The following SQSTM1 variants were observed in gnomAD, a reference collection of about 807,000 sequenced individuals.
The protein encoded by SQSTM1 is sequestosome 1.
A neutral mutation model predicts 45.1 loss-of-function variants in SQSTM1; 36 were observed. That is an observed-to-expected ratio of 0.80 (90% CI 0.61 to 1.05). The LOEUF (loss-of-function observed/expected upper bound fraction) is 1.05, where lower values mean the gene tolerates loss of function less well. Ranked by LOEUF, SQSTM1 falls within the 50% of genes least tolerant of loss-of-function variation. The probability of loss-of-function intolerance (pLI) is 0.00; values close to 1 mark genes in which losing one functional copy is unlikely to be tolerated. For missense variants in SQSTM1, 617 were observed against 607.1 expected (o/e 1.02, Z -0.17); for synonymous variants, 290 against 244.3 (o/e 1.19, Z -1.74).
intron 5 of SQSTM1, among the ~76,000 whole-genome samples, chr5:179,825,561 C>T (rs1041916245): frequency 6.6e-6 from 1 of 152,244 alleles, no homozygotes; most frequent in Non-Finnish European, 1.5e-5. Context: ...GCAATTTCCC[C>T]TAAGCCAGGC....
At chr5:179,825,070 GC>G in intron 4 of SQSTM1, 75 bp from the exon 5 acceptor site, 1 of 1,480,594 alleles carries the variant, frequency 6.8e-7, no homozygotes, top group East Asian at 2.3e-5. Flanking sequence ...AGGGACCTTG[GC>G]AAGAAGGTGA....
rs190193171 is a variant in SQSTM1 at position 179,837,260 on chromosome 5, T to A, written c.*667T>A. On this transcript the variant is annotated 3_prime_UTR_variant, in exon 8 of 8. Transcript: ENST00000389805. Reference sequence around the variant, plus strand: ...GGCATCAGCACTTTAACCAATGACGTTTGCATAGAGAGAAATGATTGACAG... The same window carrying A: ...GGCATCAGCACTTTAACCAATGACGATTGCATAGAGAGAAATGATTGACAG... 1.2e-6 allele frequency: 2 copies of A among 1,604,942 alleles called. No individual in the cohort carries two copies. The highest frequency in any genetic ancestry group is 4.5e-5 in the East Asian group (2 of 44,868).
At chr5:179,823,762 CG>C (rs1460669722) in intron 2 of SQSTM1, 95 bp from the exon 3 acceptor site, 13 of 1,362,850 alleles carry the variant, frequency 9.5e-6, no homozygotes, top group Non-Finnish European at 1.2e-5. Flanking sequence ...AGAGCAGGGC[CG>C]GGGGCCTTGC....
intron 5 of SQSTM1, among the ~76,000 whole-genome samples, chr5:179,831,905 TC>T (rs1373166849): frequency 6.6e-6 from 1 of 151,644 alleles, no homozygotes. Context: ...TGCCTCGGCC[TC>T]CCGAGTAACT....
In SQSTM1 at chr5:179,833,200, C is replaced by T. The variant is rs541356917; in HGVS notation, c.923C>T (p.Ala308Val). The change falls in exon 6 of 8, where the codon GCG (alanine) becomes GTG (valine). Residue 308 changes from alanine (A) to valine (V), a missense_variant. By Grantham distance (64) the Ala-to-Val change is moderately conservative (BLOSUM62 0). Transcript: ENST00000389805. ...GTTGAGGGCGCCACGCAGTCTCTGG[C>T]GGAGCAGATGAGGAAGATCGCCTTG... ...GNVEGATQSL[A>V]EQMRKIALES... The T allele has an allele frequency of 2.1e-5, 34 of 1,612,164 alleles. No individual in the cohort carries two copies. The highest frequency in any genetic ancestry group is 1.7e-4 in the Middle Eastern group (1 of 6,056).
In SQSTM1 at chr5:179,821,152, C is replaced by G. The variant is rs752618979; in HGVS notation, c.205+11C>G. On this transcript the variant is annotated intron_variant, in intron 1 of 7. Coordinates refer to ENST00000389805, the MANE Select transcript of SQSTM1 (RefSeq NM_003900.5). ...AGGCGCACTACCGCGGTGAGCGGGC[C>G]GGGGAGCGGCGGGGGCGGTGACGCA... The G allele has an allele frequency of 3.8e-6, 5 of 1,330,556 alleles. No individual in the cohort carries two copies. The highest frequency in any genetic ancestry group is 4.8e-6 in the Non-Finnish European group (5 of 1,045,638). The allele number at this position is 1,330,556 out of a possible 1,614,324, so 82.4% of individuals were successfully genotyped here. A position where few individuals can be genotyped will look rare whatever the true frequency, so the allele number is the denominator to read the frequency against.
At chr5:179,829,515 A>T (rs1415582569) in intron 5 of SQSTM1, among the ~76,000 whole-genome samples, 1 of 152,250 alleles carries the variant, frequency 6.6e-6, no homozygotes, top group Non-Finnish European at 1.5e-5. Flanking sequence ...TCAGTGAGAT[A>T]CAAAAGAGCA....
upstream of SQSTM1, among the ~76,000 whole-genome samples, chr5:179,816,410 TGCTGGGACTACAGGTGTGAGC>T: frequency 6.8e-6 from 1 of 147,818 alleles, no homozygotes; most frequent in East Asian, 2.0e-4. Context: ...GGCCTCCCAG[TGCTGGGACTACAGGTGTGAGC>T]CACCGCGCCT....
intron 1 of SQSTM1, among the ~76,000 whole-genome samples, chr5:179,811,307 C>G (rs1185042111): frequency 6.9e-6 from 1 of 145,762 alleles, no homozygotes; most frequent in Non-Finnish European, 1.5e-5. Context: ...GCCACAGAAG[C>G]TCTGCAGGGG....
chr5:179,816,943 C>G (rs1581997890), upstream of SQSTM1, among the ~76,000 whole-genome samples: 2 of 152,188 alleles, frequency 1.3e-5, no homozygotes. Flanking sequence ...CGACCCGCCT[C>G]TCAGCCCCTC....
intron 4 of SQSTM1, 90 bp downstream of exon 4, chr5:179,824,413 C>T (rs1331911238): frequency 1.1e-5 from 18 of 1,586,104 alleles, no homozygotes; most frequent in Non-Finnish European, 8.6e-7. Flanking sequence ...GTGTGCAAGG[C>T]AAGAATTCAG....
chr5:179,825,004 G>T lies in SQSTM1; in HGVS notation c.674-142G>T, dbSNP rs1008087696. On this transcript the variant is annotated intron_variant, in intron 4 of 7. Coordinates refer to ENST00000389805, the MANE Select transcript of SQSTM1 (RefSeq NM_003900.5). ...GTGCAGAGTGGGAGGAAGGAGAGGG[G>T]GATGCTGAGTGGGTCACTGGACAAG... The T allele has an allele frequency of 3.9e-6, 3 of 759,864 alleles. No individual in the cohort carries two copies. In the Admixed American group the frequency reaches 6.0e-5, roughly 15 times the overall value. The allele number at this position is 759,864 out of a possible 1,614,324, so 47.1% of individuals were successfully genotyped here. A position where few individuals can be genotyped will look rare whatever the true frequency, so the allele number is the denominator to read the frequency against.
At chr5:179,833,887 C>G in intron 7 of SQSTM1, 105 bp downstream of exon 7, 1 of 1,282,706 alleles carries the variant, frequency 7.8e-7, no homozygotes, top group Non-Finnish European at 1.1e-6. Flanking sequence ...ATGTTCTCCA[C>G]TGCAGGGCTG....
At position 179,836,722 on chromosome 5, in the gene SQSTM1, G is replaced by T. The variant is rs1758579000; in HGVS notation, c.*129G>T. 1 of 1,448,902 alleles carries T rather than the reference G, an allele frequency of 6.9e-7. No individual in the cohort carries two copies. The highest frequency in any genetic ancestry group is 9.7e-7 in the Non-Finnish European group (1 of 1,035,532). 89.8% of individuals were successfully genotyped at this position (1,448,902 alleles called of 1,614,324 possible). A position where few individuals can be genotyped will look rare whatever the true frequency, so the allele number is the denominator to read the frequency against. On this transcript the variant is annotated 3_prime_UTR_variant, in exon 8 of 8. Transcript: ENST00000389805. ...TCCAGGATCAGGGGTTAGGGTGCAA[G>T]AAGCCATTTAGGGCAGCAAAACAAG... is the stretch of plus-strand genomic sequence containing the variant.
At chr5:179,831,505 T>A (rs1043531573) in intron 5 of SQSTM1, among the ~76,000 whole-genome samples, 11 of 151,938 alleles carry the variant, frequency 7.2e-5, no homozygotes, top group African/African-American at 2.4e-4. Context: ...CTACTAAAAA[T>A]ATAAAAATTA....
chr5:179,810,217 C>T (rs1419042519), intron 1 of SQSTM1, among the ~76,000 whole-genome samples: 1 of 152,026 alleles, frequency 6.6e-6, no homozygotes, highest in East Asian at 1.9e-4. Context: ...ATGCTGCACC[C>T]ATTAACTCAT....
Position 179,830,630 on chromosome 5 carries a change from CTCACTGCAG to C in SQSTM1, c.755-2400_755-2392del, listed in dbSNP as rs1174744231. On this transcript the variant is annotated intron_variant, in intron 5 of 7. Coordinates refer to ENST00000389805, the MANE Select transcript of SQSTM1 (RefSeq NM_003900.5). Reference sequence around the variant, plus strand: ...CTGGAGTGCAGCGGCGTGATCTCAGCTCACTGCAGTTTCCACCTCCTGGGTTCAAGCAAT... The same window carrying C: ...CTGGAGTGCAGCGGCGTGATCTCAGCTTTCCACCTCCTGGGTTCAAGCAAT... Among the ~76,000 whole-genome samples, 28 of 152,064 alleles carry C rather than the reference CTCACTGCAG, an allele frequency of 1.8e-4. 1 individual carries two copies. The East Asian group carries it at 5.4e-3, about 29-fold the overall frequency.
rs1582008429 is a variant in SQSTM1 at position 179,824,165 on chromosome 5, G to A, written c.532-17G>A. 6.2e-7 allele frequency: 1 copy of A among 1,613,706 alleles called. No individual in the cohort carries two copies. Among genetic ancestry groups the A allele is most frequent in the Non-Finnish European group, 8.5e-7 (1 of 1,180,044 alleles). On this transcript the variant is annotated splice_polypyrimidine_tract_variant and intron_variant, in intron 3 of 7. Transcript: ENST00000389805. Reference sequence around the variant, plus strand: ...TGACCCGCTCACTGCCTGCCGCTCTGCTAATTCCTCCCCCAGGGCTTCTCG... The same window carrying A: ...TGACCCGCTCACTGCCTGCCGCTCTACTAATTCCTCCCCCAGGGCTTCTCG...
chr5:179,832,336 G>A (rs1018089034), intron 5 of SQSTM1, among the ~76,000 whole-genome samples: 2 of 152,358 alleles, frequency 1.3e-5, no homozygotes, highest in African/African-American at 4.8e-5. Flanking sequence ...AAATAGTGCA[G>A]GTGATTCTCC....
Sources: gnomAD v4.1 joint callset for allele counts (sites outside exome capture counted in the v4.1 genomes callset) on GRCh38, gnomAD v4.1.1 for gene constraint, MANE v1.5 for transcripts, NCBI Gene and HGNC (gene_info 2026-07-23, HGNC 2026-07-21) for gene names.